PEAK1: variants seen among roughly 807,000 people sequenced by gnomAD.
The protein encoded by PEAK1 is pseudopodium enriched atypical kinase 1.
In PEAK1, 54 loss-of-function variants were observed where a neutral mutation model predicts 124.7. The ratio of observed to expected loss-of-function variants is 0.43; its 90% CI spans 0.35 to 0.54. PEAK1 has a LOEUF of 0.54. Ranked by LOEUF, PEAK1 falls within the 20% of genes least tolerant of loss-of-function variation. The pLI, the probability that PEAK1 is intolerant of heterozygous loss-of-function variation, is 0.01. For missense variants in PEAK1, 2,046 were observed against 2,134.5 expected (o/e 0.96, Z 0.82); for synonymous variants, 719 against 760.0 (o/e 0.95, Z 0.89).
chr15:77,226,044 G>GATATATATAATATATATATATATATAT (rs57675196), intron 6 of PEAK1, among the ~76,000 whole-genome samples: 5 of 44,986 alleles, frequency 1.1e-4, no homozygotes, highest in African/African-American at 2.0e-4. Flanking sequence ...AAAATAAAGG[G>GATATATATAATATATATATATATATAT]ATATATATAT....
intron 9 of PEAK1, among the ~76,000 whole-genome samples, chr15:77,116,947 T>C (rs1276511124): frequency 1.3e-5 from 2 of 152,230 alleles, no homozygotes; most frequent in Non-Finnish European, 2.9e-5. Context: ...TGCAGTATAA[T>C]ATATAATCCT....
intron 1 of PEAK1, among the ~76,000 whole-genome samples, chr15:77,394,951 C>T (rs1162804743): frequency 2.0e-5 from 3 of 152,196 alleles, no homozygotes; most frequent in Admixed American, 6.5e-5. Context: ...TGTATCAAAA[C>T]ATTTACTGTA....
At chr15:77,351,761 C>T in intron 2 of PEAK1, 1 of 985,386 alleles carries the variant, frequency 1.0e-6, no homozygotes, top group Non-Finnish European at 1.2e-6. Context: ...CTCCAACAGG[C>T]CATGTTAAGA....
Position 77,121,034 on chromosome 15 carries a change from C to A in PEAK1, c.4078-5715G>T, listed in dbSNP as rs111700097. Among the ~76,000 whole-genome samples, 52 of 152,238 alleles carry A rather than the reference C, an allele frequency of 3.4e-4. 2 individuals carry two copies. The highest frequency in any genetic ancestry group is 1.2e-3 in the African/African-American group (49 of 41,536). ...TATCTTGTACATATCTCTATTATTG[C>A]AGTTATCACATTTTTTATCTTTAAA... On this transcript the variant is annotated intron_variant, in intron 9 of 9. Coordinates refer to ENST00000682557, the MANE Select transcript of PEAK1 (RefSeq NM_001385026.1).
At chr15:77,322,456 G>A (rs1218975230) in intron 2 of PEAK1, among the ~76,000 whole-genome samples, 3 of 152,048 alleles carry the variant, frequency 2.0e-5, no homozygotes, top group South Asian at 2.1e-4. Context: ...TATCACCACC[G>A]ATCCCACAGA....
chr15:77,212,450 C>T (rs766271233), intron 6 of PEAK1, among the ~76,000 whole-genome samples: 3 of 151,882 alleles, frequency 2.0e-5, no homozygotes, highest in Non-Finnish European at 2.9e-5. Context: ...CCCTAACTTT[C>T]GGAAAAAAGG....
intron 2 of PEAK1, chr15:77,332,214 G>A: frequency 2.0e-6 from 2 of 981,706 alleles, no homozygotes; most frequent in Non-Finnish European, 2.4e-6. Flanking sequence ...CAATGCATAT[G>A]TGAGTCCTTT....
intron 6 of PEAK1, 45 bp downstream of exon 6, chr15:77,252,322 A>G: frequency 1.1e-6 from 1 of 949,806 alleles, no homozygotes; most frequent in East Asian, 1.2e-4. Context: ...CCAGTCATCT[A>G]AAATTCTTGG....
At chr15:77,154,952 C>G (rs1180216721) in intron 8 of PEAK1, among the ~76,000 whole-genome samples, 3 of 152,072 alleles carry the variant, frequency 2.0e-5, no homozygotes, top group Admixed American at 6.6e-5. Context: ...GTGAATCTGA[C>G]AATTATGTGT....
At chr15:77,285,755 C>T (rs566771298) in intron 3 of PEAK1, among the ~76,000 whole-genome samples, 1 of 151,712 alleles carries the variant, frequency 6.6e-6, no homozygotes, top group Admixed American at 6.6e-5. Context: ...TCTCTCTTTT[C>T]TTCATTAGTC....
In PEAK1 at chr15:77,111,501, T is replaced by A. The variant is rs755194445; in HGVS notation, c.*2655A>T. On this transcript the variant is annotated 3_prime_UTR_variant, in exon 10 of 10. Transcript: ENST00000682557. ...TCTTTGGCCATCACCCAGAGAAAAA[T>A]TAATCTAGCCACCTGTCTCTGGGAA... 1.3e-5 allele frequency: 2 copies of A among 152,206 alleles called. No individual in the cohort carries two copies. Among genetic ancestry groups the A allele is most frequent in the Non-Finnish European group, 2.9e-5 (2 of 68,034 alleles). The allele number at this position is 152,206 out of a possible 1,614,324, so 9.4% of individuals were successfully genotyped here.
chr15:77,323,126 C>T (rs1234489211), intron 2 of PEAK1, among the ~76,000 whole-genome samples: 2 of 152,094 alleles, frequency 1.3e-5, no homozygotes, highest in African/African-American at 2.4e-5. Context: ...ATTGATGGGA[C>T]GTATCTCAAA....
In PEAK1 at chr15:77,180,562, T is replaced by G; in HGVS notation, c.1365A>C (p.Thr455=). 5 of 1,614,130 alleles carry G rather than the reference T, an allele frequency of 3.1e-6. No individual in the cohort carries two copies. Among genetic ancestry groups the G allele is most frequent in the Non-Finnish European group, 4.2e-6 (5 of 1,180,010 alleles). The change falls in exon 7 of 10, where the codon ACA becomes ACC. Residue 455 remains threonine, a synonymous_variant. Coordinates refer to ENST00000682557, the MANE Select transcript of PEAK1 (RefSeq NM_001385026.1). ...CTCGGTAAGGTTTTGCTTGCTCTTC[T>G]GTGGGGACAAGGTTTATGGTTACTG... The part of the protein sequence containing the change: ...GQAVTINLVP[T]EEQAKPYRVV...
chr15:77,316,137 C>T (rs1188639259), intron 2 of PEAK1, among the ~76,000 whole-genome samples: 2 of 152,080 alleles, frequency 1.3e-5, no homozygotes, highest in Admixed American at 1.3e-4. Context: ...GTAATGCCAC[C>T]ACAGTATTAA....
At chr15:77,305,166 GGAA>G (rs1311859797) in intron 2 of PEAK1, among the ~76,000 whole-genome samples, 1 of 59,366 alleles carries the variant, frequency 1.7e-5, no homozygotes, top group African/African-American at 4.0e-5. Flanking sequence ...AAGGAAGGAG[GGAA>G]GAAGGAAGGA....
intron 9 of PEAK1, among the ~76,000 whole-genome samples, chr15:77,128,915 G>C (rs1204650059): frequency 6.6e-6 from 1 of 152,158 alleles, no homozygotes. Context: ...CATGCTATAA[G>C]GACAGATATT....
intron 1 of PEAK1, among the ~76,000 whole-genome samples, chr15:77,376,121 TAAC>T (rs1442240492): frequency 7.1e-4 from 107 of 151,676 alleles, no homozygotes; most frequent in African/African-American, 2.4e-3. Flanking sequence ...TGAACACACA[TAAC>T]AAAAAAGAAA....
chr15:77,353,807 A>G (rs2067341187), intron 2 of PEAK1, among the ~76,000 whole-genome samples: 1 of 152,264 alleles, frequency 6.6e-6, no homozygotes, highest in Admixed American at 6.5e-5. Context: ...AATGTCTCCC[A>G]GCAGAGAATG....
intron 1 of PEAK1, chr15:77,402,346 A>G: frequency 1.0e-6 from 1 of 985,354 alleles, no homozygotes; most frequent in Non-Finnish European, 1.2e-6. Context: ...AATCAAGGGA[A>G]AAGAGGCAAG....
Sources: gnomAD v4.1 joint callset for allele counts (sites outside exome capture counted in the v4.1 genomes callset) on GRCh38, gnomAD v4.1.1 for gene constraint, MANE v1.5 for transcripts, NCBI Gene and HGNC (gene_info 2026-07-23, HGNC 2026-07-21) for gene names.